The following HOATZ variants were observed in gnomAD, a reference collection of about 807,000 sequenced individuals.
HOATZ encodes the protein cilia- and flagella-associated protein HOATZ.
A neutral mutation model predicts 24.9 loss-of-function variants in HOATZ; 26 were observed. The ratio of observed to expected loss-of-function variants is 1.04; its 90% confidence interval spans 0.76 to 1.45. HOATZ has a LOEUF of 1.45. Among genes scored for constraint, HOATZ ranks in the 40% most tolerant of loss-of-function variants. The pLI is 0.00. For missense variants in HOATZ, 226 were observed against 201.5 expected (o/e 1.12, Z -0.74); for synonymous variants, 83 against 76.6 (o/e 1.08, Z -0.43).
intron 3 of HOATZ, among the ~76,000 whole-genome samples, chr11:111,526,442 A>AG (rs1867339815): frequency 6.6e-6 from 1 of 152,218 alleles, no homozygotes; most frequent in Non-Finnish European, 1.5e-5. Flanking sequence ...GATAGATTGA[A>AG]GGGATAGTTA....
Position 111,514,961 on chromosome 11 carries a change from C to G in HOATZ, c.177C>G (p.Asp59Glu), listed in dbSNP as rs756692719. 6.2e-7 allele frequency: 1 copy of G among 1,613,886 alleles called. No homozygotes were observed. The highest frequency in any genetic ancestry group is 8.5e-7 in the Non-Finnish European group (1 of 1,180,042). The change falls in exon 1 of 6, where the codon GAC becomes GAG. Residue 59 changes from aspartate to glutamate, a missense_variant. By Grantham distance (45) the Asp-to-Glu change is conservative (BLOSUM62 2). Coordinates refer to ENST00000375618, the MANE Select transcript of HOATZ (RefSeq NM_001100388.2). Reference sequence around the variant, plus strand: ...AATCTCAGCTGGTGCTGCGCAGAGACAGCAGTCAGCGTCTGCCGGTGGCGC... The same window carrying G: ...AATCTCAGCTGGTGCTGCGCAGAGAGAGCAGTCAGCGTCTGCCGGTGGCGC... The part of the protein sequence containing the change: ...PSESQLVLRR[D>E]SSQRLPVARP...
chr11:111,515,579 A>T (rs1455817705), intron 2 of HOATZ, 27 bp downstream of exon 2: 1 of 1,580,208 alleles, frequency 6.3e-7, no homozygotes, highest in Non-Finnish European at 8.7e-7. Context: ...ATGCCTTTCA[A>T]CATTCTGACT....
chr11:111,528,194 G>A (rs117755785), intron 3 of HOATZ, among the ~76,000 whole-genome samples: 1,527 of 152,054 alleles, frequency 0.01, 16 homozygotes, highest in Non-Finnish European at 0.017. Context: ...TTAACTAAGC[G>A]TGGTGGCATG....
At chr11:111,535,278 T>C (rs928270774) in intron 5 of HOATZ, 1 of 152,208 alleles carries the variant, frequency 6.6e-6, no homozygotes, top group African/African-American at 2.4e-5. Context: ...CCTAGCTATA[T>C]TATCTACACA....
intron 5 of HOATZ, chr11:111,534,684 A>G (rs1434945074): frequency 5.7e-6 from 3 of 527,024 alleles, no homozygotes; most frequent in Non-Finnish European, 1.0e-5. Flanking sequence ...GTTAGTGCAA[A>G]ATGGAAAGCA....
chr11:111,525,351 T>C (rs1867326391), intron 3 of HOATZ, among the ~76,000 whole-genome samples: 1 of 152,218 alleles, frequency 6.6e-6, no homozygotes, highest in Non-Finnish European at 1.5e-5. Flanking sequence ...TGTGGTTATG[T>C]TTTATATACT....
chr11:111,534,631 G>A (rs1248887426), intron 5 of HOATZ, 167 bp downstream of exon 5: 2 of 630,202 alleles, frequency 3.2e-6, no homozygotes, highest in Non-Finnish European at 5.8e-6. Context: ...AGCTATTAAA[G>A]CCTGTGTACG....
At chr11:111,524,405 G>C (rs1397759175) in intron 3 of HOATZ, among the ~76,000 whole-genome samples, 2 of 152,222 alleles carry the variant, frequency 1.3e-5, no homozygotes, top group African/African-American at 2.4e-5. Context: ...AGGTTTAACA[G>C]CATGTAAGAG....
At chr11:111,532,887 A>G (rs1256734974) in intron 3 of HOATZ, among the ~76,000 whole-genome samples, 1 of 152,234 alleles carries the variant, frequency 6.6e-6, no homozygotes, top group Non-Finnish European at 1.5e-5. Context: ...ATGCTAGATT[A>G]TCAGGATTTC....
chr11:111,521,201 A>T (rs1476485900), intron 3 of HOATZ, among the ~76,000 whole-genome samples: 1 of 152,130 alleles, frequency 6.6e-6, no homozygotes, highest in Admixed American at 6.6e-5. Flanking sequence ...TTTAGCTAAT[A>T]CCTACTTGTA....
intron 3 of HOATZ, among the ~76,000 whole-genome samples, chr11:111,518,142 G>T (rs1376003070): frequency 6.6e-6 from 1 of 152,178 alleles, no homozygotes; most frequent in African/African-American, 2.4e-5. Flanking sequence ...CATAGTATCT[G>T]CCAAGTTGTT....
intron 3 of HOATZ, among the ~76,000 whole-genome samples, chr11:111,528,662 C>T (rs988758004): frequency 6.6e-6 from 1 of 152,196 alleles, no homozygotes; most frequent in Non-Finnish European, 1.5e-5. Flanking sequence ...TGGATTAGCT[C>T]CACCTGCTGT....
At chr11:111,519,023 A>G (rs1446833017) in intron 3 of HOATZ, 3 of 455,992 alleles carry the variant, frequency 6.6e-6, no homozygotes, top group Non-Finnish European at 1.3e-5. Flanking sequence ...CAGGCACCAT[A>G]GTGTAGTAGA....
intron 3 of HOATZ, among the ~76,000 whole-genome samples, chr11:111,521,997 G>A (rs115400802): frequency 0.011 from 1,700 of 151,958 alleles, 38 homozygotes; most frequent in African/African-American, 0.038. Flanking sequence ...GCTCTGCAAA[G>A]AGTAGGAAAA....
chr11:111,532,308 C>A (rs573620143), intron 3 of HOATZ, among the ~76,000 whole-genome samples: 1 of 152,274 alleles, frequency 6.6e-6, no homozygotes, highest in East Asian at 1.9e-4. Flanking sequence ...CGCCCCCCCA[C>A]ATGCAAAAAT....
chr11:111,530,036 T>A (rs963252077), intron 3 of HOATZ, among the ~76,000 whole-genome samples: 2 of 152,222 alleles, frequency 1.3e-5, no homozygotes, highest in African/African-American at 2.4e-5. Flanking sequence ...TTCTTACTCT[T>A]TTCAAGATTT....
At chr11:111,519,201 C>A in intron 3 of HOATZ, 1 of 273,318 alleles carries the variant, frequency 3.7e-6, no homozygotes, top group South Asian at 3.8e-5. Context: ...ATGTGAAGTG[C>A]CTGGCCACAG....
intron 3 of HOATZ, among the ~76,000 whole-genome samples, chr11:111,524,204 C>G (rs889515220): frequency 6.6e-6 from 1 of 152,124 alleles, no homozygotes; most frequent in Non-Finnish European, 1.5e-5. Context: ...ACCCAGAGGC[C>G]TCAGACTCAT....
intron 3 of HOATZ, among the ~76,000 whole-genome samples, chr11:111,532,748 A>G (rs935149920): frequency 1.1e-4 from 16 of 152,316 alleles, no homozygotes; most frequent in African/African-American, 3.4e-4. Flanking sequence ...TAGATAGATG[A>G]CAGAATCTGC....
Sources: allele counts gnomAD v4.1 joint callset (sites outside exome capture counted in the v4.1 genomes callset), GRCh38; gene constraint gnomAD v4.1.1; transcripts MANE v1.5; gene names NCBI Gene and HGNC (gene_info 2026-07-23, HGNC 2026-07-21).